Variants in GLT1D1 observed in about 807,000 individuals in gnomAD.
The protein encoded by GLT1D1 is glycosyltransferase 1 domain containing 1.
A neutral mutation model predicts 28.7 loss-of-function variants in GLT1D1; 21 were observed. The ratio of observed to expected loss-of-function variants is 0.73; its 90% CI spans 0.52 to 1.05. The LOEUF (loss-of-function observed/expected upper bound fraction) is 1.05. GLT1D1 is among the 50% of genes least tolerant of loss of function. The probability of loss-of-function intolerance (pLI) is 0.00; values close to 1 mark genes in which losing one functional copy is unlikely to be tolerated. For missense variants in GLT1D1, 343 were observed against 330.6 expected (o/e 1.04, Z -0.29); for synonymous variants, 147 against 124.8 (o/e 1.18, Z -1.19).
intron 2 of GLT1D1, among the ~76,000 whole-genome samples, chr12:128,881,113 A>G (rs1021308095): frequency 1.0e-4 from 15 of 150,418 alleles, no homozygotes; most frequent in Admixed American, 1.3e-4. Context: ...AGTTCCAGCT[A>G]CTGGGGAGGT....
At chr12:128,929,441 G>A (rs1873634905) in intron 4 of GLT1D1, among the ~76,000 whole-genome samples, 1 of 152,178 alleles carries the variant, frequency 6.6e-6, no homozygotes, top group African/African-American at 2.4e-5. Flanking sequence ...CTTCAGGGGT[G>A]TTCTGTTTCC....
At chr12:128,977,519 AT>A (rs1331396601) in intron 7 of GLT1D1, among the ~76,000 whole-genome samples, 1 of 152,178 alleles carries the variant, frequency 6.6e-6, no homozygotes, top group Non-Finnish European at 1.5e-5. Context: ...TTACATAAAT[AT>A]CCAGAATTTA....
intron 4 of GLT1D1, among the ~76,000 whole-genome samples, chr12:128,915,582 C>G (rs1872029205): frequency 6.6e-6 from 1 of 152,066 alleles, no homozygotes; most frequent in Non-Finnish European, 1.5e-5. Flanking sequence ...CCAGGCTGGT[C>G]TCGAACTCCT....
At chr12:128,982,835 G>A in intron 7 of GLT1D1, 94 bp from the exon 12 acceptor site, 1 of 1,178,694 alleles carries the variant, frequency 8.5e-7, no homozygotes, top group South Asian at 1.4e-5. Flanking sequence ...ACAAGGGCAA[G>A]GCCAGCAGCC....
At chr12:128,902,051 C>T (rs550043693) in intron 4 of GLT1D1, among the ~76,000 whole-genome samples, 6 of 151,790 alleles carry the variant, frequency 4.0e-5, no homozygotes, top group African/African-American at 9.7e-5. Context: ...TATAATGAAA[C>T]GTTTAAACAT....
chr12:128,882,949 C>T (rs762944687), intron 2 of GLT1D1, among the ~76,000 whole-genome samples: 11 of 150,404 alleles, frequency 7.3e-5, no homozygotes, highest in South Asian at 6.3e-4. Context: ...TTTTTTGAGA[C>T]GGAGTCTCAC....
chr12:128,859,046 C>T (rs1215356284), intron 1 of GLT1D1, among the ~76,000 whole-genome samples: 2 of 152,186 alleles, frequency 1.3e-5, no homozygotes, highest in Non-Finnish European at 2.9e-5. Context: ...TGATTGATGT[C>T]TCATGCCTCC....
At chr12:128,907,677 T>C (rs1202495140) in intron 4 of GLT1D1, among the ~76,000 whole-genome samples, 1 of 152,216 alleles carries the variant, frequency 6.6e-6, no homozygotes, top group Non-Finnish European at 1.5e-5. Context: ...GCAAATGTTC[T>C]TTATGTCTGT....
chr12:128,900,639 T>A (rs1870144944), intron 4 of GLT1D1, among the ~76,000 whole-genome samples: 1 of 150,596 alleles, frequency 6.6e-6, no homozygotes, highest in African/African-American at 2.4e-5. Context: ...TACCAAACTT[T>A]TTTTTTTTTT....
In GLT1D1 at chr12:128,873,142, G is replaced by A. The variant is rs554117120; in HGVS notation, c.69-2772G>A. Among the ~76,000 whole-genome samples, 224 of 152,098 alleles carry A rather than the reference G, an allele frequency of 1.5e-3. 1 individual carries two copies. Among genetic ancestry groups the A allele is most frequent in the Non-Finnish European group, 2.9e-3 (197 of 67,998 alleles). On this transcript the variant is annotated intron_variant, in intron 1 of 7. Coordinates refer to ENST00000281703, the MANE Select transcript of GLT1D1 (RefSeq NM_144669.3). ...AACTCCTGAGCCCAAATGATCCTCC[G>A]ACCTCTGCCTCCCAAAGTGCTGTGA...
chr12:128,893,121 T>C (rs1869250717), intron 3 of GLT1D1, among the ~76,000 whole-genome samples: 1 of 152,132 alleles, frequency 6.6e-6, no homozygotes, highest in African/African-American at 2.4e-5. Flanking sequence ...GACACATGCC[T>C]GTAATCCCAG....
In GLT1D1 at chr12:128,936,449, C is replaced by T. The variant is rs1211441635; in HGVS notation, c.376-8877C>T. 5.9e-5 allele frequency among the ~76,000 whole-genome samples: 9 copies of T among 152,328 alleles called. No homozygotes were observed. The East Asian group carries it at 1.4e-3, about 23-fold the overall frequency. ...GATGACAGGCGTGAGCCACCGCACC[C>T]GGCCATAAAATATCTTTTCATGCTG... On this transcript the variant is annotated intron_variant, in intron 4 of 7. Transcript: ENST00000281703.
rs866799743 is a variant in GLT1D1 at position 128,971,159 on chromosome 12, A to G, written c.640-11770A>G. 1.2e-4 allele frequency among the ~76,000 whole-genome samples: 19 copies of G among 152,318 alleles called. 1 individual carries two copies. The highest frequency in any genetic ancestry group is 6.8e-3 in the Middle Eastern group (2 of 294). On this transcript the variant is annotated intron_variant, in intron 7 of 7. Transcript: ENST00000281703. ...CCATGCCTAGCAAGTAGTCTCTGAC[A>G]GTTTCATGCCAGTCACAGGTTCTGG...
At chr12:128,857,394 G>T (rs1006014405) in intron 1 of GLT1D1, among the ~76,000 whole-genome samples, 2 of 152,208 alleles carry the variant, frequency 1.3e-5, no homozygotes, top group African/African-American at 2.4e-5. Context: ...CAGAATAAAG[G>T]CTGCTATTCA....
chr12:128,867,515 C>T (rs764384853), intron 1 of GLT1D1, among the ~76,000 whole-genome samples: 1 of 151,680 alleles, frequency 6.6e-6, no homozygotes, highest in East Asian at 1.9e-4. Flanking sequence ...GTTGCCCCAG[C>T]GGTGCTGGGC....
intron 7 of GLT1D1, among the ~76,000 whole-genome samples, chr12:128,958,748 CAAAAAAAAAAAAAAA>C (rs71072431): frequency 4.7e-5 from 2 of 42,666 alleles, no homozygotes; most frequent in Non-Finnish European, 7.7e-5. Flanking sequence ...GACTCTGCCT[CAAAAAAAAAAAAAAA>C]AAAAAAAAAA....
At chr12:128,944,949 C>G in intron 4 of GLT1D1, 2 of 535,792 alleles carry the variant, frequency 3.7e-6, no homozygotes, top group Admixed American at 3.4e-5. Flanking sequence ...CCTCCTCCAG[C>G]CCCCGACCCC....
chr12:128,931,168 A>T (rs1873832835), intron 4 of GLT1D1, among the ~76,000 whole-genome samples: 1 of 151,386 alleles, frequency 6.6e-6, no homozygotes, highest in African/African-American at 2.4e-5. Flanking sequence ...CGCCTGGCTA[A>T]TTTTTTGTAT....
chr12:128,901,286 G>T (rs953841379), intron 4 of GLT1D1, among the ~76,000 whole-genome samples: 4 of 151,858 alleles, frequency 2.6e-5, no homozygotes, highest in Non-Finnish European at 5.9e-5. Flanking sequence ...AATACATGTT[G>T]TTATTTTTTT....
Sources: gnomAD v4.1 joint callset for allele counts (sites outside exome capture counted in the v4.1 genomes callset) on GRCh38, gnomAD v4.1.1 for gene constraint, MANE v1.5 for transcripts, NCBI Gene and HGNC (gene_info 2026-07-23, HGNC 2026-07-21) for gene names.